The following ZNF695 variants were observed in gnomAD, a reference collection of about 807,000 sequenced individuals.
ZNF695 encodes zinc finger protein 695.
ZNF695 carries 11 observed loss-of-function variants against 11.2 expected under a neutral mutation model. The observed-to-expected ratio is 0.98, with a 90% CI of 0.62 to 1.62. The LOEUF is 1.62. Among genes scored for constraint, ZNF695 ranks in the 40% most tolerant of loss-of-function variants. The pLI is 0.00. For missense variants in ZNF695, 559 were observed against 590.5 expected (o/e 0.95, Z 0.55); for synonymous variants, 190 against 201.4 (o/e 0.94, Z 0.48).
chr1:246,957,747 C>T (rs541234493), intron 5 of ZNF695, among the ~76,000 whole-genome samples: 1 of 151,870 alleles, frequency 6.6e-6, no homozygotes, highest in South Asian at 2.1e-4. Context: ...GTGACTCCTA[C>T]ATTAGCCTCC....
At chr1:246,965,604 G>C (rs1469902210) in intron 5 of ZNF695, among the ~76,000 whole-genome samples, 1 of 151,910 alleles carries the variant, frequency 6.6e-6, no homozygotes, top group Admixed American at 6.6e-5. Context: ...AGGTGTGGTC[G>C]TGTGTGCCTG....
intron 5 of ZNF695, among the ~76,000 whole-genome samples, chr1:246,946,528 GA>G (rs1667739442): frequency 6.6e-6 from 1 of 152,346 alleles, no homozygotes; most frequent in South Asian, 2.1e-4. Flanking sequence ...GAGGGGTGAT[GA>G]GCGAGATGGC....
downstream of ZNF695, among the ~76,000 whole-genome samples, chr1:246,982,164 G>A (rs1668725437): frequency 1.3e-5 from 2 of 151,748 alleles, no homozygotes; most frequent in South Asian, 4.2e-4. Context: ...CAGCTACTTG[G>A]GAGGCTGAGG....
chr1:246,962,090 G>A (rs1217483347), intron 5 of ZNF695, among the ~76,000 whole-genome samples: 1 of 152,234 alleles, frequency 6.6e-6, no homozygotes, highest in Non-Finnish European at 1.5e-5. Flanking sequence ...TCATAGGGCA[G>A]TCAAGGCGGC....
Position 246,986,164 on chromosome 1 carries a change from G to T in ZNF695, c.*803C>A. On this transcript the variant is annotated 3_prime_UTR_variant, in exon 4 of 4. Coordinates refer to ENST00000339986, the MANE Select transcript of ZNF695 (RefSeq NM_020394.5). Reference sequence around the variant, plus strand: ...AGCTCACTGCATCCTCAACCTCCAGGCTCAAGCAATCCTCCCACCTGAGCC... The same window carrying T: ...AGCTCACTGCATCCTCAACCTCCAGTCTCAAGCAATCCTCCCACCTGAGCC... 1 of 595,400 alleles carries T rather than the reference G, an allele frequency of 1.7e-6. No individual in the cohort carries two copies. The highest frequency in any genetic ancestry group is 2.1e-6 in the Non-Finnish European group (1 of 474,016). The allele number at this position is 595,400 out of a possible 1,614,324, so 36.9% of individuals were successfully genotyped here. A position where few individuals can be genotyped will look rare whatever the true frequency, so the allele number is the denominator to read the frequency against.
In ZNF695 at chr1:246,986,863, G is replaced by A. The variant is rs1432495412; in HGVS notation, c.*104C>T. 1 of 1,460,618 alleles carries A rather than the reference G, an allele frequency of 6.8e-7. No homozygotes were observed. The highest frequency in any genetic ancestry group is 9.0e-7 in the Non-Finnish European group (1 of 1,107,960). 90.5% of individuals were successfully genotyped at this position (1,460,618 alleles called of 1,614,324 possible). A position where few individuals can be genotyped will look rare whatever the true frequency, so the allele number is the denominator to read the frequency against. On this transcript the variant is annotated 3_prime_UTR_variant, in exon 4 of 4. Coordinates refer to ENST00000339986, the MANE Select transcript of ZNF695 (RefSeq NM_020394.5). Reference sequence around the variant, plus strand: ...ATAGACTGTAAATGGCCTTTTGACAGTCATTACATTTGTAACACTCTTATT... The same window carrying A: ...ATAGACTGTAAATGGCCTTTTGACAATCATTACATTTGTAACACTCTTATT...
At chr1:246,968,802 G>A (rs1365213365) in intron 4 of ZNF695, 1 of 152,414 alleles carries the variant, frequency 6.6e-6, no homozygotes, top group Non-Finnish European at 1.5e-5. Flanking sequence ...ATACCCTCTG[G>A]AGCAGCAACC....
intron 5 of ZNF695, among the ~76,000 whole-genome samples, chr1:246,948,560 T>C (rs541961729): frequency 4.4e-4 from 67 of 152,310 alleles, no homozygotes; most frequent in South Asian, 3.5e-3. Flanking sequence ...GTACCTTGAT[T>C]TACATTCTGT....
downstream of ZNF695, among the ~76,000 whole-genome samples, chr1:246,981,632 G>A (rs559196575): frequency 3.2e-4 from 49 of 152,236 alleles, no homozygotes; most frequent in African/African-American, 1.2e-3. Flanking sequence ...CACAGAACAT[G>A]GGAAGGACTG....
At chr1:246,946,134 T>C (rs113217376) in intron 5 of ZNF695, among the ~76,000 whole-genome samples, 7,722 of 152,256 alleles carry the variant, frequency 0.051, 552 homozygotes, top group African/African-American at 0.16. Context: ...ATGCTCCCCG[T>C]GCCACACCGG....
At chr1:246,982,696 G>A (rs1337877173), downstream of ZNF695, among the ~76,000 whole-genome samples, 1 of 152,202 alleles carries the variant, frequency 6.6e-6, no homozygotes, top group Non-Finnish European at 1.5e-5. Flanking sequence ...TGCTTGGCCA[G>A]GCGCGGTGGC....
chr1:246,978,818 A>AT (rs1487009945), intron 4 of ZNF695, among the ~76,000 whole-genome samples: 1 of 150,692 alleles, frequency 6.6e-6, no homozygotes, highest in Non-Finnish European at 1.5e-5. Flanking sequence ...TTTGTTGCAA[A>AT]TTTTCAGGTG....
At chr1:246,988,864 G>A (rs1338210369) in intron 3 of ZNF695, among the ~76,000 whole-genome samples, 1 of 151,926 alleles carries the variant, frequency 6.6e-6, no homozygotes, top group African/African-American at 2.4e-5. Context: ...GCCGAGACGG[G>A]CGGATCACGA....
At position 246,987,805 on chromosome 1, in the gene ZNF695, T is replaced by C; in HGVS notation, c.710A>G (p.Glu237Gly). 6.2e-7 allele frequency: 1 copy of C among 1,609,352 alleles called. No individual in the cohort carries two copies. The highest frequency in any genetic ancestry group is 8.5e-7 in the Non-Finnish European group (1 of 1,178,712). ...ACATTCTTCACATTTGCAATGTTTC[T>C]CTCCAACATGAATTCTCTTACAGTC... ...FTDCKRIHVG[E>G]KHCKCEECNN... The change falls in exon 4 of 4, where the codon GAG becomes GGG. Residue 237 changes from glutamate to glycine, a missense_variant. By Grantham distance (98) the Glu-to-Gly change is moderately conservative (BLOSUM62 -2). Transcript: ENST00000339986.
chr1:246,974,336 C>G (rs549054002), intron 4 of ZNF695, among the ~76,000 whole-genome samples: 1 of 152,262 alleles, frequency 6.6e-6, no homozygotes, highest in South Asian at 2.1e-4. Context: ...ATTGGAATAT[C>G]AGATCTCTGG....
intron 4 of ZNF695, among the ~76,000 whole-genome samples, chr1:246,980,224 C>T (rs985270889): frequency 7.5e-6 from 1 of 134,080 alleles, no homozygotes; most frequent in Non-Finnish European, 1.6e-5. Context: ...TGTTTGAATA[C>T]ATAATTTGTC....
chr1:246,976,565 C>T (rs111302452), intron 4 of ZNF695, among the ~76,000 whole-genome samples: 14,605 of 150,988 alleles, frequency 0.097, 929 homozygotes, highest in Middle Eastern at 0.15. Context: ...GAGGCCAAGG[C>T]GGGCAGATCA....
chr1:246,959,179 T>G (rs1668084731), intron 5 of ZNF695, among the ~76,000 whole-genome samples: 1 of 142,790 alleles, frequency 7.0e-6, no homozygotes, highest in Non-Finnish European at 1.5e-5. Context: ...CTTGGGAGAC[T>G]GAGGCAGGAG....
Position 246,987,620 on chromosome 1 carries a change from C to T in ZNF695, c.895G>A (p.Glu299Lys), listed in dbSNP as rs1668893661. 6.2e-7 allele frequency: 1 copy of T among 1,602,740 alleles called. No individual in the cohort carries two copies. The highest frequency in any genetic ancestry group is 1.7e-5 in the Admixed American group (1 of 57,690). The change falls in exon 4 of 4, where the codon GAA (glutamate) becomes AAA (lysine). Residue 299 changes from glutamate (E) to lysine (K), a missense_variant. Physicochemically the swap from Glu to Lys is moderately conservative, Grantham distance 56. Coordinates refer to ENST00000339986, the MANE Select transcript of ZNF695 (RefSeq NM_020394.5). Reference protein sequence around the residue: ...IHTGEKPYKCEECGKSFKLFP... With the variant: ...IHTGEKPYKCKECGKSFKLFP... ...AACTTAAAGGATTTGCCACATTCTT[C>T]ACATTTGTATGGTTTCTCTCCAGTA...
Sources: allele counts gnomAD v4.1 joint callset (sites outside exome capture counted in the v4.1 genomes callset), GRCh38; gene constraint gnomAD v4.1.1; transcripts MANE v1.5; gene names NCBI Gene and HGNC (gene_info 2026-07-23, HGNC 2026-07-21).